Variants in HIGD1C observed in about 807,000 individuals in gnomAD.
The protein encoded by HIGD1C is HIG1 hypoxia inducible domain family member 1C.
Under a neutral mutation model 13.1 loss-of-function variants are expected in HIGD1C, and 11 were observed. The ratio of observed to expected loss-of-function variants is 0.84; its 90% CI spans 0.53 to 1.39. The LOEUF (loss-of-function observed/expected upper bound fraction) is 1.39, where lower values mean the gene tolerates loss of function less well. Ranked by LOEUF, HIGD1C falls within the 40% of genes most tolerant of loss-of-function variation. HIGD1C has a pLI of 0.00. For missense variants in HIGD1C, 110 were observed against 112.0 expected (o/e 0.98, Z 0.08); for synonymous variants, 36 against 37.7 (o/e 0.95, Z 0.17).
intron 1 of HIGD1C, among the ~76,000 whole-genome samples, chr12:50,959,659 GTTT>G (rs982588775): frequency 5.5e-4 from 84 of 151,708 alleles, no homozygotes; most frequent in African/African-American, 1.9e-3. Context: ...TTTGTTTTTT[GTTT>G]TTTAAAACAA....
intron 1 of HIGD1C, among the ~76,000 whole-genome samples, chr12:50,958,215 T>C (rs1209010960): frequency 6.6e-6 from 1 of 151,784 alleles, no homozygotes; most frequent in Admixed American, 6.6e-5. Context: ...AGGTTTTTGG[T>C]AGACATAGAC....
intron 1 of HIGD1C, 192 bp downstream of exon 3, chr12:50,954,284 T>A (rs1173619858): frequency 1.1e-5 from 5 of 456,992 alleles, no homozygotes. Context: ...TGTTAGCTGT[T>A]ATTTGAGGCA....
the HIGD1C span, among the ~76,000 whole-genome samples, chr12:50,941,533 G>C: frequency 1.3e-5 from 2 of 152,132 alleles, no homozygotes; most frequent in Non-Finnish European, 2.9e-5. Flanking sequence ...TTTTATGGTG[G>C]GAGGGGCGGT....
intron 1 of HIGD1C, among the ~76,000 whole-genome samples, chr12:50,958,902 A>G (rs1380187751): frequency 1.3e-5 from 2 of 151,542 alleles, no homozygotes; most frequent in Admixed American, 6.6e-5. Context: ...CTGTAATCCC[A>G]GCTACTAGGG....
upstream of HIGD1C, among the ~76,000 whole-genome samples, chr12:50,952,126 C>A (rs1938920434): frequency 1.5e-5 from 2 of 135,082 alleles, no homozygotes; most frequent in African/African-American, 2.8e-5. Context: ...TGAATAAAAT[C>A]TTTAGATTGA....
At chr12:50,955,049 T>C (rs1939040925) in intron 1 of HIGD1C, among the ~76,000 whole-genome samples, 1 of 152,194 alleles carries the variant, frequency 6.6e-6, no homozygotes, top group African/African-American at 2.4e-5. Context: ...CCCAGCACTT[T>C]GAGAGGCCGA....
chr12:50,946,040 G>A, the HIGD1C span, among the ~76,000 whole-genome samples: 1 of 152,174 alleles, frequency 6.6e-6, no homozygotes, highest in Non-Finnish European at 1.5e-5. Context: ...GTAGAAAGCT[G>A]AAACTGGATC....
At chr12:50,961,131 C>T (rs1377933863) in intron 2 of HIGD1C, 29 bp downstream of exon 4, 1 of 1,609,920 alleles carries the variant, frequency 6.2e-7, no homozygotes, top group African/African-American at 1.3e-5. Context: ...ATCTTATGTT[C>T]AGCTGTCTTT....
At chr12:50,949,382 G>A (rs1938851234), upstream of HIGD1C, 2 of 152,072 alleles carry the variant, frequency 1.3e-5, no homozygotes, top group African/African-American at 4.9e-5. Context: ...CCTGCTCAGA[G>A]GCTGTCACGG....
At chr12:50,964,179 T>C (rs1010813424) in intron 2 of HIGD1C, among the ~76,000 whole-genome samples, 13 of 152,206 alleles carry the variant, frequency 8.5e-5, no homozygotes, top group Non-Finnish European at 1.6e-4. Context: ...CATAAATGCA[T>C]TCATATCAAA....
chr12:50,968,478 C>T (rs1278418427), intron 2 of HIGD1C, among the ~76,000 whole-genome samples: 1 of 152,096 alleles, frequency 6.6e-6, no homozygotes, highest in Non-Finnish European at 1.5e-5. Context: ...CCTCAAACTC[C>T]TAGGCTCAAG....
chr12:50,967,132 G>C (rs933575929), intron 2 of HIGD1C, among the ~76,000 whole-genome samples: 1 of 150,796 alleles, frequency 6.6e-6, no homozygotes, highest in South Asian at 2.1e-4. Context: ...AAAAAAGAAA[G>C]AGAAATAGGG....
At chr12:50,961,029 T>C in exon 2 of HIGD1C, 1 of 1,612,852 alleles carries the variant, frequency 6.2e-7, no homozygotes, top group Non-Finnish European at 8.5e-7. Context: ...ACAGAAGAGA[T>C]CAGAAAATGT....
intron 2 of HIGD1C, among the ~76,000 whole-genome samples, chr12:50,969,719 A>AC (rs1027721770): frequency 4.6e-5 from 7 of 151,578 alleles, no homozygotes; most frequent in African/African-American, 1.7e-4. Flanking sequence ...AAAAAAACAA[A>AC]AACAAAACGT....
chr12:50,939,249 G>T, the HIGD1C span, among the ~76,000 whole-genome samples: 21 of 152,298 alleles, frequency 1.4e-4, no homozygotes, highest in East Asian at 4.0e-3. Context: ...CCAAGTTGAA[G>T]CAATTCTCCT....
At chr12:50,945,864 T>G in the HIGD1C span, among the ~76,000 whole-genome samples, 1 of 152,152 alleles carries the variant, frequency 6.6e-6, no homozygotes, top group African/African-American at 2.4e-5. Context: ...AACAGCATGG[T>G]ACTGGTACCA....
At chr12:50,970,453 T>C in exon 3 of HIGD1C, 1 of 1,500,374 alleles carries the variant, frequency 6.7e-7, no homozygotes, top group East Asian at 2.5e-5. Flanking sequence ...TGTTCTCTAT[T>C]CTATGTATAA....
intron 2 of HIGD1C, 118 bp from the exon 5 acceptor site, chr12:50,970,324 G>A: frequency 1.5e-6 from 1 of 679,744 alleles, no homozygotes; most frequent in South Asian, 1.8e-5. Flanking sequence ...TAAGAAGGAG[G>A]GCCTTTGTTT....
At chr12:50,945,837 A>C in the HIGD1C span, among the ~76,000 whole-genome samples, 3 of 152,182 alleles carry the variant, frequency 2.0e-5, no homozygotes, top group Admixed American at 6.5e-5. Context: ...ACTATACTAC[A>C]AGGCTACAGT....
Sources: gnomAD v4.1 joint callset for allele counts (sites outside exome capture counted in the v4.1 genomes callset) on GRCh38, gnomAD v4.1.1 for gene constraint, MANE v1.5 for transcripts, NCBI Gene and HGNC (gene_info 2026-07-23, HGNC 2026-07-21) for gene names.